The following UMAD1 variants were observed in gnomAD, a reference collection of about 807,000 sequenced individuals.
UMAD1 encodes UBAP1-MVB12-associated (UMA)-domain containing protein 1.
UMAD1 carries 8 observed loss-of-function variants against 6.1 expected under a neutral mutation model. The ratio of observed to expected loss-of-function variants is 1.30; its 90% confidence interval spans 0.76 to 2.35. UMAD1 has a LOEUF of 2.35. Among genes scored for constraint, UMAD1 ranks in the 30% most tolerant of loss-of-function variants. The pLI, the probability that UMAD1 is intolerant of heterozygous loss-of-function variation, is 0.00. For missense variants in UMAD1, 130 were observed against 78.4 expected (o/e 1.66, Z -2.49); for synonymous variants, 56 against 31.4 (o/e 1.78, Z -2.61).
chr7:7,684,089 TC>T (rs2115126652), intron 2 of UMAD1, among the ~76,000 whole-genome samples: 1 of 152,290 alleles, frequency 6.6e-6, no homozygotes, highest in South Asian at 2.1e-4. Context: ...CTTTAAATCA[TC>T]CCTAGATTAC....
intron 1 of UMAD1, chr7:7,641,712 T>G (rs1784978338): frequency 6.6e-6 from 1 of 152,174 alleles, no homozygotes; most frequent in Non-Finnish European, 1.5e-5. Flanking sequence ...AACGGTACGG[T>G]GGAAATTGGA....
chr7:7,860,066 C>T (rs866516355), intron 3 of UMAD1, among the ~76,000 whole-genome samples: 3 of 152,192 alleles, frequency 2.0e-5, no homozygotes, highest in African/African-American at 4.8e-5. Flanking sequence ...TCTCCAAGAG[C>T]GGGTAAGGAC....
At chr7:7,834,024 T>C (rs866668577) in intron 3 of UMAD1, among the ~76,000 whole-genome samples, 15,888 of 137,804 alleles carry the variant, frequency 0.12, 1,962 homozygotes, top group African/African-American at 0.32. Context: ...TTCTTTTTTT[T>C]TTTTTTTTTT....
At chr7:7,646,771 C>G (rs188120069) in intron 1 of UMAD1, among the ~76,000 whole-genome samples, 42 of 152,130 alleles carry the variant, frequency 2.8e-4, no homozygotes, top group Admixed American at 2.4e-3. Context: ...GCCAAACTCC[C>G]CTCGACACTC....
At chr7:7,874,963 G>C (rs550333778) in intron 3 of UMAD1, among the ~76,000 whole-genome samples, 2 of 151,992 alleles carry the variant, frequency 1.3e-5, no homozygotes. Flanking sequence ...TAGTACAGAC[G>C]GGGTTTCTCC....
chr7:7,800,683 C>T (rs1406990355), intron 2 of UMAD1, among the ~76,000 whole-genome samples: 1 of 152,150 alleles, frequency 6.6e-6, no homozygotes, highest in African/African-American at 2.4e-5. Context: ...GAGACTTTTC[C>T]TTGATTATAG....
chr7:7,671,440 A>G (rs566209828), intron 1 of UMAD1, among the ~76,000 whole-genome samples: 21 of 152,324 alleles, frequency 1.4e-4, no homozygotes, highest in African/African-American at 4.8e-4. Context: ...TGAGGTTTTA[A>G]TATCAGCTAT....
Position 7,755,017 on chromosome 7 carries a change from G to A in UMAD1, c.83-46653G>A, listed in dbSNP as rs571813741. 5.9e-5 allele frequency among the ~76,000 whole-genome samples: 9 copies of A among 152,154 alleles called. 1 individual carries two copies. Among genetic ancestry groups the A allele is most frequent in the African/African-American group, 1.9e-4 (8 of 41,510 alleles). On this transcript the variant is annotated intron_variant, in intron 2 of 3. Coordinates refer to ENST00000682710, the MANE Select transcript of UMAD1 (RefSeq NM_001302348.2). ...GCTGGGGTGATTCTTTTTAATTTAA[G>A]TGTAAGTGAGATCATGTCACTCCTT...
chr7:7,846,219 A>G (rs1427827542), intron 3 of UMAD1, among the ~76,000 whole-genome samples: 1 of 152,196 alleles, frequency 6.6e-6, no homozygotes, highest in Non-Finnish European at 1.5e-5. Flanking sequence ...ACGTGTAAAG[A>G]ATATATAGCA....
In UMAD1 at chr7:7,762,741, A is replaced by G. The variant is rs76130424; in HGVS notation, c.83-38929A>G. Among the ~76,000 whole-genome samples the G allele has an allele frequency of 3.7e-3, 559 of 152,316 alleles. 6 individuals are homozygous for G. The highest frequency in any genetic ancestry group is 0.013 in the African/African-American group (522 of 41,578). On this transcript the variant is annotated intron_variant, in intron 2 of 3. Transcript: ENST00000682710. ...ATAAACATCACTCGAAGACTGAGTC[A>G]CATATATGGACTTGCCATATTTCTT...
At chr7:7,868,578 T>C (rs191375881) in intron 3 of UMAD1, 1 of 127,040 alleles carries the variant, frequency 7.9e-6, no homozygotes, top group East Asian at 2.0e-4. Context: ...ATGGAAAAAA[T>C]ACTGAAAAAA....
At chr7:7,835,462 CTTTTTTTTTTTTTTTTTTTTTTTTTT>C (rs150411259) in intron 3 of UMAD1, among the ~76,000 whole-genome samples, 1 of 33,654 alleles carries the variant, frequency 3.0e-5, no homozygotes, top group African/African-American at 1.0e-4. Context: ...TGAAACAGCA[CTTTTTTTTTTTTTTTTTTTTTTTTTT>C]TTTTTTTTTT....
intron 2 of UMAD1, among the ~76,000 whole-genome samples, chr7:7,791,361 C>A (rs1256816062): frequency 6.6e-6 from 1 of 152,128 alleles, no homozygotes; most frequent in Non-Finnish European, 1.5e-5. Context: ...GGGATTCAGG[C>A]TGAGGAATGG....
intron 3 of UMAD1, among the ~76,000 whole-genome samples, chr7:7,807,946 T>G (rs968643496): frequency 6.6e-6 from 1 of 152,028 alleles, no homozygotes; most frequent in Non-Finnish European, 1.5e-5. Context: ...TAAAATAGGG[T>G]AACTTTAGGA....
intron 3 of UMAD1, among the ~76,000 whole-genome samples, chr7:7,866,741 C>T (rs539263225): frequency 6.6e-6 from 1 of 152,218 alleles, no homozygotes; most frequent in African/African-American, 2.4e-5. Flanking sequence ...AAGGCCAGGT[C>T]ATGCTTGTGT....
intron 3 of UMAD1, among the ~76,000 whole-genome samples, chr7:7,818,813 T>G (rs1013399555): frequency 6.6e-6 from 1 of 152,168 alleles, no homozygotes; most frequent in Non-Finnish European, 1.5e-5. Context: ...ATTTTTGTAT[T>G]TTTTGTAGAG....
At chr7:7,677,669 T>G (rs28823742) in intron 2 of UMAD1, among the ~76,000 whole-genome samples, 3 of 133,342 alleles carry the variant, frequency 2.2e-5, no homozygotes, top group African/African-American at 2.9e-5. Context: ...TTTTTGTTTT[T>G]TTTTTTTTTT....
chr7:7,738,093 TA>T (rs111868945), intron 2 of UMAD1, among the ~76,000 whole-genome samples: 13,185 of 152,192 alleles, frequency 0.087, 665 homozygotes, highest in African/African-American at 0.14. Context: ...TAAACGGGTA[TA>T]TTTTTTTTGA....
chr7:7,790,775 C>T (rs1246171900), intron 2 of UMAD1, among the ~76,000 whole-genome samples: 2 of 152,246 alleles, frequency 1.3e-5, no homozygotes, highest in African/African-American at 4.8e-5. Flanking sequence ...CAACCAGCTT[C>T]TGCATTCTGA....
Sources: gnomAD v4.1 joint callset for allele counts (sites outside exome capture counted in the v4.1 genomes callset) on GRCh38, gnomAD v4.1.1 for gene constraint, MANE v1.5 for transcripts, NCBI Gene and HGNC (gene_info 2026-07-23, HGNC 2026-07-21) for gene names.